Variants in FSTL4 observed in about 807,000 individuals in gnomAD.
FSTL4 encodes the protein follistatin like 4.
In FSTL4, 28 loss-of-function variants were observed where a neutral mutation model predicts 78.2. That is an observed-to-expected ratio of 0.36 (90% CI 0.27 to 0.49). FSTL4 has a LOEUF of 0.49. Ranked by LOEUF, FSTL4 falls within the 20% of genes least tolerant of loss-of-function variation. The pLI, the probability that FSTL4 is intolerant of heterozygous loss-of-function variation, is 0.98. For synonymous variants in FSTL4, 422 were observed against 440.5 expected (o/e 0.96, Z 0.53); for missense variants, 922 against 1,084.9 (o/e 0.85, Z 2.11).
At position 133,443,413 on chromosome 5, in the gene FSTL4, C is replaced by G. The variant is rs147153053; in HGVS notation, c.161-42427G>C. Among the ~76,000 whole-genome samples the G allele has an allele frequency of 2.4e-3, 370 of 152,356 alleles. 1 individual carries two copies. Among genetic ancestry groups the G allele is most frequent in the African/African-American group, 8.4e-3 (350 of 41,578 alleles). ...GTCACACTCTCTAGTGTTGGCGCAA[C>G]TCATTCATGGTGTTGGGAGGTCCCC... On this transcript the variant is annotated intron_variant, in intron 3 of 15. Coordinates refer to ENST00000265342, the MANE Select transcript of FSTL4 (RefSeq NM_015082.2).
rs900740060 is a variant in FSTL4, at chr5:133,570,392, G to A, written c.127-3173C>T. ...GGCTGGAGTGCAGTGGCACGATCTC[G>A]ACTCACTGCAACCTCTGCCTCCCAG... On this transcript the variant is annotated intron_variant, in intron 2 of 15. Transcript: ENST00000265342. 8.5e-5 allele frequency among the ~76,000 whole-genome samples: 13 copies of A among 152,062 alleles called. No homozygotes were observed. The South Asian group carries it at 1.9e-3, about 22-fold the overall frequency.
chr5:133,752,883 G>A, the FSTL4 span, among the ~76,000 whole-genome samples: 619 of 152,202 alleles, frequency 4.1e-3, 4 homozygotes, highest in Non-Finnish European at 4.8e-3. Context: ...AGGTCAAGTT[G>A]CAGTTATTTT....
rs187898352 is a variant in FSTL4, at chr5:133,364,722, T to C, written c.409+36016A>G. Reference sequence around the variant, plus strand: ...TTTTGTGCTCAGCCCCCAGTGAAAATGAACATTTGTGCTGAAAAGCTTTTT... The same window carrying C: ...TTTTGTGCTCAGCCCCCAGTGAAAACGAACATTTGTGCTGAAAAGCTTTTT... On this transcript the variant is annotated intron_variant, in intron 4 of 15. Coordinates refer to ENST00000265342, the MANE Select transcript of FSTL4 (RefSeq NM_015082.2). Among the ~76,000 whole-genome samples the C allele has an allele frequency of 3.7e-4, 56 of 152,338 alleles. No individual in the cohort carries two copies. In the East Asian group the frequency reaches 6.0e-3, roughly 16 times the overall value.
At chr5:133,383,572 G>C (rs144638601) in intron 4 of FSTL4, among the ~76,000 whole-genome samples, 1 of 152,318 alleles carries the variant, frequency 6.6e-6, no homozygotes, top group African/African-American at 2.4e-5. Context: ...CTGTCTGACT[G>C]ACAGGCCCCA....
chr5:133,553,196 G>A (rs1451024826), intron 3 of FSTL4, among the ~76,000 whole-genome samples: 1 of 152,198 alleles, frequency 6.6e-6, no homozygotes, highest in East Asian at 1.9e-4. Flanking sequence ...GCTTGTCCAA[G>A]ACTAATAGCC....
intron 3 of FSTL4, among the ~76,000 whole-genome samples, chr5:133,530,567 G>A (rs1759230366): frequency 6.6e-6 from 1 of 152,230 alleles, no homozygotes; most frequent in Non-Finnish European, 1.5e-5. Flanking sequence ...AGATTGTGGT[G>A]AGGAAGAAGA....
intron 3 of FSTL4, among the ~76,000 whole-genome samples, chr5:133,501,938 C>T (rs2115477): frequency 0.46 from 70,258 of 151,766 alleles, 16,447 homozygotes; most frequent in South Asian, 0.49. Context: ...GAGAGGAGAA[C>T]GCAGACACAC....
chr5:133,392,844 A>T (rs1755883773), intron 4 of FSTL4, among the ~76,000 whole-genome samples: 1 of 152,222 alleles, frequency 6.6e-6, no homozygotes. Flanking sequence ...CATAAGTGAA[A>T]TCAATGCACC....
intron 4 of FSTL4, among the ~76,000 whole-genome samples, chr5:133,393,085 G>C (rs1755894356): frequency 6.6e-6 from 1 of 152,192 alleles, no homozygotes; most frequent in Non-Finnish European, 1.5e-5. Context: ...CCTGGAAGCA[G>C]ATACTGTAAA....
At chr5:133,222,539 T>G (rs1395756299) in intron 11 of FSTL4, among the ~76,000 whole-genome samples, 2 of 152,180 alleles carry the variant, frequency 1.3e-5, no homozygotes, top group Non-Finnish European at 2.9e-5. Flanking sequence ...CAAGTCTGCT[T>G]AGAAAATCGG....
chr5:133,822,568 T>G, the FSTL4 span, among the ~76,000 whole-genome samples: 3 of 151,674 alleles, frequency 2.0e-5, no homozygotes, highest in African/African-American at 7.3e-5. Context: ...CTAAGGAAGG[T>G]GAGGGTGGAG....
intron 3 of FSTL4, among the ~76,000 whole-genome samples, chr5:133,557,164 A>T (rs1284147884): frequency 6.6e-6 from 1 of 152,196 alleles, no homozygotes; most frequent in East Asian, 1.9e-4. Context: ...TTTATTTGTC[A>T]TCAGGGACTT....
the FSTL4 span, among the ~76,000 whole-genome samples, chr5:133,765,089 T>C: frequency 6.6e-6 from 1 of 152,246 alleles, no homozygotes; most frequent in African/African-American, 2.4e-5. Flanking sequence ...CTCAGGGAGC[T>C]TGCTACTTTA....
intron 1 of FSTL4, among the ~76,000 whole-genome samples, chr5:133,609,684 T>A (rs987941281): frequency 2.0e-5 from 3 of 152,262 alleles, no homozygotes; most frequent in Non-Finnish European, 4.4e-5. Flanking sequence ...TCCCCAACAC[T>A]TGATAAATTA....
chr5:133,292,775 C>T (rs1336392023), intron 6 of FSTL4, among the ~76,000 whole-genome samples: 1 of 151,636 alleles, frequency 6.6e-6, no homozygotes, highest in Admixed American at 6.6e-5. Context: ...AAAAAGCCCA[C>T]TGACTCTTTA....
chr5:133,474,197 C>G (rs1757882372), intron 3 of FSTL4, among the ~76,000 whole-genome samples: 1 of 152,146 alleles, frequency 6.6e-6, no homozygotes, highest in Admixed American at 6.5e-5. Flanking sequence ...CAGGTGGTGC[C>G]TAATAACCAG....
chr5:133,378,492 T>G (rs1755493357), intron 4 of FSTL4, among the ~76,000 whole-genome samples: 1 of 152,176 alleles, frequency 6.6e-6, no homozygotes, highest in Non-Finnish European at 1.5e-5. Context: ...ATACAAATTA[T>G]ATAACTATAT....
the FSTL4 span, among the ~76,000 whole-genome samples, chr5:133,738,196 T>C: frequency 6.6e-6 from 1 of 152,180 alleles, no homozygotes; most frequent in Non-Finnish European, 1.5e-5. Flanking sequence ...CTTCACAATA[T>C]GCAGTCCCAG....
chr5:133,579,324 A>G (rs1191460701), intron 2 of FSTL4, among the ~76,000 whole-genome samples: 4 of 152,222 alleles, frequency 2.6e-5, no homozygotes. Context: ...CAGCTGGCTC[A>G]CGGAACATAC....
Sources: gnomAD v4.1 joint callset for allele counts (sites outside exome capture counted in the v4.1 genomes callset) on GRCh38, gnomAD v4.1.1 for gene constraint, MANE v1.5 for transcripts, NCBI Gene and HGNC (gene_info 2026-07-23, HGNC 2026-07-21) for gene names.